PCDH9: variants seen among roughly 807,000 people sequenced by gnomAD.
PCDH9 encodes the protein protocadherin-9.
In PCDH9, 24 loss-of-function variants were observed where a neutral mutation model predicts 70.6. The observed-to-expected ratio is 0.34, with a 90% CI of 0.25 to 0.48. The LOEUF (loss-of-function observed/expected upper bound fraction) is 0.48. Ranked by LOEUF, PCDH9 falls within the 20% of genes least tolerant of loss-of-function variation. The probability of loss-of-function intolerance (pLI) is 0.99; values close to 1 mark genes in which losing one functional copy is unlikely to be tolerated. For missense variants in PCDH9, 1,281 were observed against 1,503.6 expected (o/e 0.85, Z 2.45); for synonymous variants, 562 against 558.5 (o/e 1.01, Z -0.09).
chr13:67,143,562 C>T (rs890725623), intron 2 of PCDH9, among the ~76,000 whole-genome samples: 4 of 151,976 alleles, frequency 2.6e-5, no homozygotes, highest in African/African-American at 4.8e-5. Flanking sequence ...TCCTTCAAAG[C>T]GGTCTAGCCA....
intron 4 of PCDH9, among the ~76,000 whole-genome samples, chr13:66,403,965 C>G (rs1957233935): frequency 1.3e-5 from 2 of 151,966 alleles, no homozygotes; most frequent in African/African-American, 4.8e-5. Context: ...ACAAAGAGAA[C>G]AATTGATTGG....
chr13:66,431,462 C>A (rs1249140101), intron 4 of PCDH9, among the ~76,000 whole-genome samples: 1 of 151,962 alleles, frequency 6.6e-6, no homozygotes, highest in Non-Finnish European at 1.5e-5. Context: ...CCACTCTACT[C>A]CATGATCTTA....
At chr13:66,987,574 T>C (rs1439492718) in intron 2 of PCDH9, among the ~76,000 whole-genome samples, 3 of 152,082 alleles carry the variant, frequency 2.0e-5, no homozygotes. Flanking sequence ...AAGAGCTAGC[T>C]GATACGCACC....
At chr13:66,478,345 A>G (rs1029007133) in intron 4 of PCDH9, among the ~76,000 whole-genome samples, 11 of 152,172 alleles carry the variant, frequency 7.2e-5, no homozygotes, top group Non-Finnish European at 1.3e-4. Flanking sequence ...TAAGCCTACG[A>G]TGGCCTCTAA....
intron 4 of PCDH9, among the ~76,000 whole-genome samples, chr13:66,574,576 A>AT (rs1303900259): frequency 5.9e-5 from 9 of 152,094 alleles, no homozygotes; most frequent in African/African-American, 2.2e-4. Context: ...AACTCAGTCT[A>AT]TTTTTTGTCT....
intron 3 of PCDH9, among the ~76,000 whole-genome samples, chr13:66,666,296 G>T (rs2078095911): frequency 6.6e-6 from 1 of 152,196 alleles, no homozygotes; most frequent in Admixed American, 6.5e-5. Flanking sequence ...ATGGTGCACA[G>T]GCAGCAAGGG....
chr13:66,794,037 A>G (rs1011617579), intron 3 of PCDH9, among the ~76,000 whole-genome samples: 3 of 152,292 alleles, frequency 2.0e-5, no homozygotes, highest in Middle Eastern at 3.4e-3. Context: ...ACTACACTTA[A>G]GGCAGACATA....
At chr13:66,670,386 T>C (rs2078156881) in intron 3 of PCDH9, among the ~76,000 whole-genome samples, 1 of 152,142 alleles carries the variant, frequency 6.6e-6, no homozygotes, top group Non-Finnish European at 1.5e-5. Flanking sequence ...AAATATGGCA[T>C]AGAGTATTTA....
chr13:66,779,843 CTCTCTCTA>C (rs1182065979), intron 3 of PCDH9, among the ~76,000 whole-genome samples: 1 of 31,016 alleles, frequency 3.2e-5, no homozygotes. Flanking sequence ...CTCTCTCTCT[CTCTCTCTA>C]TATATATATA....
chr13:66,323,539 A>G (rs1258864503), intron 4 of PCDH9: 1 of 152,084 alleles, frequency 6.6e-6, no homozygotes, highest in African/African-American at 2.4e-5. Context: ...CTTCTAAGGA[A>G]TTAAAGAGTT....
At chr13:66,722,693 C>T (rs1230632869) in intron 3 of PCDH9, among the ~76,000 whole-genome samples, 3 of 152,054 alleles carry the variant, frequency 2.0e-5, no homozygotes, top group Non-Finnish European at 4.4e-5. Flanking sequence ...ATGTGCCGGG[C>T]GCGGTGGCTC....
intron 2 of PCDH9, among the ~76,000 whole-genome samples, chr13:67,156,626 C>A (rs1465908516): frequency 6.6e-6 from 1 of 152,150 alleles, no homozygotes; most frequent in African/African-American, 2.4e-5. Context: ...ATTCTCCAAG[C>A]CCACATGTGA....
At chr13:66,422,455 C>G (rs1957585112) in intron 4 of PCDH9, among the ~76,000 whole-genome samples, 1 of 152,188 alleles carries the variant, frequency 6.6e-6, no homozygotes, top group Admixed American at 6.5e-5. Context: ...TCATAACAGT[C>G]TCTCAGACCA....
chr13:66,738,150 C>A lies in PCDH9; in HGVS notation c.3139-106739G>T, dbSNP rs1010744147. Reference sequence around the variant, plus strand: ...CAGCACGCAGCTGGAGATCTGAGAACGGGCAGACGGCCTCCTCAAGTGGGT... The same window carrying A: ...CAGCACGCAGCTGGAGATCTGAGAAAGGGCAGACGGCCTCCTCAAGTGGGT... On this transcript the variant is annotated intron_variant, in intron 3 of 4. Transcript: ENST00000377865. 8.9e-4 allele frequency among the ~76,000 whole-genome samples: 135 copies of A among 152,220 alleles called. No homozygotes were observed. The Middle Eastern group carries it at 0.017, about 19-fold the overall frequency.
intron 4 of PCDH9, among the ~76,000 whole-genome samples, chr13:66,397,230 G>A (rs1957115076): frequency 6.6e-6 from 1 of 152,024 alleles, no homozygotes; most frequent in Admixed American, 6.6e-5. Flanking sequence ...ACCAGCCTAA[G>A]CAACATGGTG....
intron 2 of PCDH9, among the ~76,000 whole-genome samples, chr13:67,182,356 C>T (rs1305538361): frequency 1.3e-5 from 2 of 152,044 alleles, no homozygotes. Flanking sequence ...CTTCACACCC[C>T]AACATCTAAT....
chr13:66,835,636 C>T (rs903178113), intron 3 of PCDH9, among the ~76,000 whole-genome samples: 6 of 152,290 alleles, frequency 3.9e-5, no homozygotes, highest in Admixed American at 3.3e-4. Flanking sequence ...TGCTACAAAA[C>T]CTGTCCTCCT....
intron 2 of PCDH9, among the ~76,000 whole-genome samples, chr13:67,115,774 T>C (rs1158923482): frequency 6.6e-6 from 1 of 151,994 alleles, no homozygotes; most frequent in Non-Finnish European, 1.5e-5. Flanking sequence ...AATTTTCCTT[T>C]GGACCAAATA....
At chr13:67,090,488 T>C (rs2086196061) in intron 2 of PCDH9, among the ~76,000 whole-genome samples, 1 of 152,016 alleles carries the variant, frequency 6.6e-6, no homozygotes, top group South Asian at 2.1e-4. Flanking sequence ...ATGGTGTTTT[T>C]TTCTTCATTT....
Sources: allele counts gnomAD v4.1 joint callset (sites outside exome capture counted in the v4.1 genomes callset), GRCh38; gene constraint gnomAD v4.1.1; transcripts MANE v1.5; gene names NCBI Gene and HGNC (gene_info 2026-07-23, HGNC 2026-07-21).